NCK1: variants seen among roughly 807,000 people sequenced by gnomAD.
NCK1 encodes the protein SH2/SH3 adapter protein NCK1.
Under a neutral mutation model 36.6 loss-of-function variants are expected in NCK1, and 19 were observed. The ratio of observed to expected loss-of-function variants is 0.52; its 90% CI spans 0.36 to 0.76. The LOEUF is 0.76. NCK1 is among the 30% of genes least tolerant of loss of function. The pLI, the probability that NCK1 is intolerant of heterozygous loss-of-function variation, is 0.00. For synonymous variants in NCK1, 165 were observed against 156.0 expected (o/e 1.06, Z -0.43); for missense variants, 358 against 445.6 (o/e 0.80, Z 1.77).
chr3:136,889,870 T>A (rs983520693), intron 1 of NCK1, among the ~76,000 whole-genome samples: 1 of 152,052 alleles, frequency 6.6e-6, no homozygotes, highest in Non-Finnish European at 1.5e-5. Flanking sequence ...TTGGTGTATT[T>A]ACAATCCCTG....
intron 1 of NCK1, among the ~76,000 whole-genome samples, chr3:136,871,849 C>T (rs1227703558): frequency 6.6e-6 from 1 of 152,090 alleles, no homozygotes; most frequent in East Asian, 1.9e-4. Context: ...CGGGAGTTTC[C>T]CTGCACAAAC....
chr3:136,901,904 A>G (rs939197534), intron 1 of NCK1, among the ~76,000 whole-genome samples: 2 of 151,782 alleles, frequency 1.3e-5, no homozygotes, highest in Non-Finnish European at 2.9e-5. Flanking sequence ...TCCTTCTACT[A>G]ATTTGGGGTT....
At chr3:136,904,187 C>G (rs1478769184) in intron 1 of NCK1, among the ~76,000 whole-genome samples, 1 of 152,072 alleles carries the variant, frequency 6.6e-6, no homozygotes, top group Non-Finnish European at 1.5e-5. Flanking sequence ...CAGTCTCGCT[C>G]TGCCACCTAG....
intron 1 of NCK1, among the ~76,000 whole-genome samples, chr3:136,873,059 C>T (rs1938672412): frequency 6.6e-6 from 1 of 152,172 alleles, no homozygotes; most frequent in African/African-American, 2.4e-5. Context: ...CCTAGTGGAG[C>T]TGTGAGAAGA....
At chr3:136,863,949 A>G (rs1938330289) in intron 1 of NCK1, among the ~76,000 whole-genome samples, 1 of 151,582 alleles carries the variant, frequency 6.6e-6, no homozygotes, top group South Asian at 2.1e-4. Flanking sequence ...AAAATACAAA[A>G]AAGTAGCCGG....
chr3:136,867,782 T>C (rs1938493172), intron 1 of NCK1, among the ~76,000 whole-genome samples: 1 of 152,196 alleles, frequency 6.6e-6, no homozygotes, highest in African/African-American at 2.4e-5. Context: ...GCAAGTTCTG[T>C]GTGTTTATGA....
chr3:136,938,192 A>G (rs750540753), intron 2 of NCK1, among the ~76,000 whole-genome samples: 4 of 152,126 alleles, frequency 2.6e-5, no homozygotes, highest in Non-Finnish European at 4.4e-5. Flanking sequence ...TTTTACTAAT[A>G]TGAGGTGTCT....
intron 1 of NCK1, among the ~76,000 whole-genome samples, chr3:136,900,933 G>A (rs948717219): frequency 6.6e-6 from 1 of 152,106 alleles, no homozygotes; most frequent in African/African-American, 2.4e-5. Context: ...GTCTGGCTAG[G>A]ACTTGCAGTA....
chr3:136,909,321 C>A (rs1486155899), intron 1 of NCK1, among the ~76,000 whole-genome samples: 1 of 152,002 alleles, frequency 6.6e-6, no homozygotes, highest in Non-Finnish European at 1.5e-5. Flanking sequence ...TAGAAGTTTG[C>A]TGAGAGGGGA....
At chr3:136,924,032 A>G (rs1940179755) in intron 1 of NCK1, among the ~76,000 whole-genome samples, 1 of 152,216 alleles carries the variant, frequency 6.6e-6, no homozygotes, top group African/African-American at 2.4e-5. Flanking sequence ...GCACATCATC[A>G]TTATTGAAAT....
At chr3:136,864,495 C>CACA (rs1289102896) in intron 1 of NCK1, among the ~76,000 whole-genome samples, 6 of 147,332 alleles carry the variant, frequency 4.1e-5, no homozygotes, top group African/African-American at 1.5e-4. Context: ...CACACACACA[C>CACA]AAAAAAAAAA....
chr3:136,898,802 G>A (rs145484645), intron 1 of NCK1, among the ~76,000 whole-genome samples: 1 of 152,176 alleles, frequency 6.6e-6, no homozygotes, highest in Non-Finnish European at 1.5e-5. Context: ...ATGTGATGTG[G>A]ACTTCCTCCA....
chr3:136,873,831 G>A (rs1938692911), intron 1 of NCK1, among the ~76,000 whole-genome samples: 3 of 152,306 alleles, frequency 2.0e-5, no homozygotes, highest in Middle Eastern at 6.8e-3. Flanking sequence ...CGTGAGACAT[G>A]CCTTTCACTA....
At chr3:136,932,920 AAAC>A (rs1940431315) in intron 2 of NCK1, among the ~76,000 whole-genome samples, 1 of 152,262 alleles carries the variant, frequency 6.6e-6, no homozygotes, top group Non-Finnish European at 1.5e-5. Context: ...GGTGAAGGAA[AAAC>A]AACATGCTTA....
At chr3:136,926,522 G>A (rs1163070824) in intron 1 of NCK1, among the ~76,000 whole-genome samples, 2 of 151,964 alleles carry the variant, frequency 1.3e-5, no homozygotes, top group East Asian at 1.9e-4. Context: ...TGATTCACCC[G>A]CCTCAGCCTC....
chr3:136,947,120 G>A (rs964595516), intron 3 of NCK1: 1 of 152,208 alleles, frequency 6.6e-6, no homozygotes, highest in Non-Finnish European at 1.5e-5. Context: ...TGGAAGTGGG[G>A]TGTGGTGGGG....
chr3:136,921,826 C>T (rs1420101454), intron 1 of NCK1, among the ~76,000 whole-genome samples: 1 of 152,190 alleles, frequency 6.6e-6, no homozygotes, highest in Non-Finnish European at 1.5e-5. Context: ...TCTCTGTCAC[C>T]AGGCTGGAGT....
At chr3:136,941,713 C>CA (rs34767461) in intron 2 of NCK1, among the ~76,000 whole-genome samples, 102,061 of 150,944 alleles carry the variant, frequency 0.68, 34,737 homozygotes, top group East Asian at 0.87. Flanking sequence ...GGAGAATTTA[C>CA]AAAAAAAAAC....
intron 1 of NCK1, among the ~76,000 whole-genome samples, chr3:136,904,220 T>A (rs1244441572): frequency 6.6e-6 from 1 of 152,184 alleles, no homozygotes; most frequent in Non-Finnish European, 1.5e-5. Context: ...TGGTGCAGTC[T>A]CAGCTCACTG....
Sources: gnomAD v4.1 joint callset for allele counts (sites outside exome capture counted in the v4.1 genomes callset) on GRCh38, gnomAD v4.1.1 for gene constraint, MANE v1.5 for transcripts, NCBI Gene and HGNC (gene_info 2026-07-23, HGNC 2026-07-21) for gene names.